Variants in ARHGAP24 observed in about 807,000 individuals in gnomAD.
ARHGAP24 encodes the protein Rho GTPase activating protein 24, also known as rho GTPase-activating protein 24.
A neutral mutation model predicts 76.4 loss-of-function variants in ARHGAP24; 50 were observed. The ratio of observed to expected loss-of-function variants is 0.65; its 90% CI spans 0.52 to 0.83. The LOEUF (loss-of-function observed/expected upper bound fraction) is 0.83. ARHGAP24 is among the 40% of genes least tolerant of loss of function. ARHGAP24 has a pLI of 0.00. For missense variants in ARHGAP24, 930 were observed against 914.2 expected, an observed-to-expected ratio of 1.02 and a Z score of -0.22; for synonymous variants, 345 against 323.3, an observed-to-expected ratio of 1.07 and a Z score of -0.72.
intron 3 of ARHGAP24, among the ~76,000 whole-genome samples, chr4:85,893,726 A>G (rs1161170031): frequency 4.7e-5 from 7 of 149,362 alleles, no homozygotes; most frequent in Admixed American, 4.0e-4. Flanking sequence ...CTGCCGAGAG[A>G]TCCGCTGTTA....
intron 3 of ARHGAP24, among the ~76,000 whole-genome samples, chr4:85,907,722 T>C (rs1360726867): frequency 6.6e-6 from 1 of 152,198 alleles, no homozygotes; most frequent in African/African-American, 2.4e-5. Flanking sequence ...AGTAGATTAC[T>C]AATGGATAAG....
chr4:85,641,210 G>A (rs1204181819), intron 2 of ARHGAP24, among the ~76,000 whole-genome samples: 4 of 152,096 alleles, frequency 2.6e-5, no homozygotes. Flanking sequence ...GATCCTTCCA[G>A]CTCAGCCTTG....
At chr4:85,964,403 A>G (rs546260571) in intron 5 of ARHGAP24, among the ~76,000 whole-genome samples, 23 of 152,296 alleles carry the variant, frequency 1.5e-4, no homozygotes, top group African/African-American at 5.1e-4. Flanking sequence ...CTAAAAATTC[A>G]GTGGAAAGGT....
intron 1 of ARHGAP24, among the ~76,000 whole-genome samples, chr4:85,504,902 T>G (rs538595579): frequency 6.6e-6 from 1 of 152,334 alleles, no homozygotes; most frequent in South Asian, 2.1e-4. Context: ...GGAGCTCTTT[T>G]AGGGCAGGCC....
intron 3 of ARHGAP24, among the ~76,000 whole-genome samples, chr4:85,818,591 T>C (rs1049228056): frequency 2.0e-5 from 3 of 152,256 alleles, no homozygotes; most frequent in African/African-American, 7.2e-5. Context: ...CAGAGAGTGA[T>C]TGATCATCAA....
intron 2 of ARHGAP24, among the ~76,000 whole-genome samples, chr4:85,585,416 C>T (rs960676573): frequency 6.6e-6 from 1 of 152,178 alleles, no homozygotes; most frequent in Non-Finnish European, 1.5e-5. Context: ...CTCTGGCACT[C>T]ACCACTCACT....
chr4:85,667,161 C>T (rs949075490), intron 2 of ARHGAP24, among the ~76,000 whole-genome samples: 1 of 152,204 alleles, frequency 6.6e-6, no homozygotes, highest in Admixed American at 6.5e-5. Flanking sequence ...CCAGTTGGAG[C>T]TTCCCAGCTG....
chr4:85,481,209 A>G (rs1722802652), intron 1 of ARHGAP24, among the ~76,000 whole-genome samples: 1 of 152,180 alleles, frequency 6.6e-6, no homozygotes, highest in African/African-American at 2.4e-5. Context: ...TAATCCAGAT[A>G]TTTTTATGAC....
At chr4:85,935,366 T>A (rs1252605429) in intron 4 of ARHGAP24, among the ~76,000 whole-genome samples, 2 of 152,128 alleles carry the variant, frequency 1.3e-5, no homozygotes, top group African/African-American at 4.8e-5. Flanking sequence ...CACACCAAAT[T>A]ATCTATTAAG....
At chr4:85,523,399 C>T (rs560728369) in intron 1 of ARHGAP24, among the ~76,000 whole-genome samples, 1 of 152,182 alleles carries the variant, frequency 6.6e-6, no homozygotes, top group East Asian at 1.9e-4. Context: ...TCATTGCCGT[C>T]TATTGGTAAG....
chr4:85,696,919 T>A (rs1034054455), intron 2 of ARHGAP24, among the ~76,000 whole-genome samples: 2 of 152,148 alleles, frequency 1.3e-5, no homozygotes, highest in African/African-American at 4.8e-5. Context: ...AAAAGAGGCA[T>A]TGAAAGGGAT....
intron 2 of ARHGAP24, among the ~76,000 whole-genome samples, chr4:85,614,193 C>G (rs895023568): frequency 3.9e-5 from 6 of 152,120 alleles, no homozygotes; most frequent in Admixed American, 2.0e-4. Context: ...TCTTATGCCC[C>G]GAAATGTCTT....
At chr4:85,564,898 C>A (rs1278854495) in intron 1 of ARHGAP24, among the ~76,000 whole-genome samples, 2 of 134,242 alleles carry the variant, frequency 1.5e-5, no homozygotes, top group Non-Finnish European at 3.1e-5. Context: ...GGGTTGGGGA[C>A]CCCTGCTCTA....
intron 3 of ARHGAP24, among the ~76,000 whole-genome samples, chr4:85,872,455 C>G (rs1732588064): frequency 6.6e-6 from 1 of 151,882 alleles, no homozygotes; most frequent in Non-Finnish European, 1.5e-5. Flanking sequence ...CACCACCACG[C>G]CCAGCTAACT....
At chr4:85,850,377 T>G (rs1451367557) in intron 3 of ARHGAP24, among the ~76,000 whole-genome samples, 3 of 152,198 alleles carry the variant, frequency 2.0e-5, no homozygotes, top group Non-Finnish European at 2.9e-5. Flanking sequence ...CTATCAATTT[T>G]GTTGATCTTT....
At chr4:85,754,688 T>C (rs2110068736) in intron 3 of ARHGAP24, among the ~76,000 whole-genome samples, 1 of 152,348 alleles carries the variant, frequency 6.6e-6, no homozygotes, top group East Asian at 1.9e-4. Flanking sequence ...CTAAGTTTGG[T>C]TCTTGACAAT....
At chr4:85,890,892 C>A (rs1733851276) in intron 3 of ARHGAP24, among the ~76,000 whole-genome samples, 1 of 152,154 alleles carries the variant, frequency 6.6e-6, no homozygotes, top group African/African-American at 2.4e-5. Context: ...TCATTCACTT[C>A]TAAAGCCCTA....
chr4:85,640,249 C>T (rs971803008), intron 2 of ARHGAP24, among the ~76,000 whole-genome samples: 2 of 152,148 alleles, frequency 1.3e-5, no homozygotes, highest in Non-Finnish European at 2.9e-5. Flanking sequence ...AGTATTCAAA[C>T]GAACCAATTC....
At chr4:85,931,861 A>G (rs931069786) in intron 4 of ARHGAP24, among the ~76,000 whole-genome samples, 2 of 152,206 alleles carry the variant, frequency 1.3e-5, no homozygotes, top group Non-Finnish European at 2.9e-5. Flanking sequence ...TATAATGTTA[A>G]TGACATGTGC....
Sources: allele counts gnomAD v4.1 joint callset (sites outside exome capture counted in the v4.1 genomes callset), GRCh38; gene constraint gnomAD v4.1.1; transcripts MANE v1.5; gene names NCBI Gene and HGNC (gene_info 2026-07-23, HGNC 2026-07-21).